CLYBL: variants seen among roughly 807,000 people sequenced by gnomAD.
The protein encoded by CLYBL is citramalyl-CoA lyase, also known as citramalyl-CoA lyase, mitochondrial.
Under a neutral mutation model 38.9 loss-of-function variants are expected in CLYBL, and 31 were observed. The ratio of observed to expected loss-of-function variants is 0.80; its 90% CI spans 0.60 to 1.08. The LOEUF (loss-of-function observed/expected upper bound fraction) is 1.08, where lower values mean the gene tolerates loss of function less well. Among genes scored for constraint, CLYBL ranks in the 50% least tolerant of loss-of-function variants. The pLI is 0.00. For synonymous variants in CLYBL, 171 were observed against 158.6 expected (o/e 1.08, Z -0.59); for missense variants, 434 against 411.6 (o/e 1.05, Z -0.47).
At chr13:99,631,156 C>CGAGA (rs1223373462) in intron 1 of CLYBL, among the ~76,000 whole-genome samples, 2 of 152,006 alleles carry the variant, frequency 1.3e-5, no homozygotes, top group Non-Finnish European at 2.9e-5. Context: ...ATCCCGTCTC[C>CGAGA]ACAAAAAATA....
At chr13:99,880,868 C>T (rs2052187810) in intron 7 of CLYBL, among the ~76,000 whole-genome samples, 1 of 152,226 alleles carries the variant, frequency 6.6e-6, no homozygotes, top group South Asian at 2.1e-4. Context: ...CTTCAGGCTT[C>T]TGCACCTTTC....
At chr13:99,767,215 T>A (rs1179947722) in intron 1 of CLYBL, among the ~76,000 whole-genome samples, 1 of 152,234 alleles carries the variant, frequency 6.6e-6, no homozygotes, top group African/African-American at 2.4e-5. Flanking sequence ...TGTCTTACCA[T>A]CTGCTCAGGG....
At position 99,772,874 on chromosome 13, in the gene CLYBL, C is replaced by T; in HGVS notation, c.113C>T (p.Ser38Phe). ...CCCAGACTTGGATATAGTTCCTCAT[C>T]CCATCACAAGTACATCCCCCGGAGG... Reference protein sequence around the residue: ...DIPRLGYSSSSHHKYIPRRAV... With the variant: ...DIPRLGYSSSFHHKYIPRRAV... Residue 38 changes from serine to phenylalanine, a missense_variant, in exon 2 of 9, where the codon TCC becomes TTC. Ser to Phe is a radical substitution (Grantham distance 155). Transcript: ENST00000339105. 1 of 1,612,692 alleles carries T rather than the reference C, an allele frequency of 6.2e-7. No homozygotes were observed. Among genetic ancestry groups the T allele is most frequent in the Non-Finnish European group, 8.5e-7 (1 of 1,179,738 alleles).
At chr13:99,880,372 A>G (rs1260263812) in intron 7 of CLYBL, among the ~76,000 whole-genome samples, 2 of 152,162 alleles carry the variant, frequency 1.3e-5, no homozygotes, top group African/African-American at 4.8e-5. Context: ...GCCCTTGCAT[A>G]TATTACTTTA....
At chr13:99,808,920 T>G (rs1295995969) in intron 2 of CLYBL, among the ~76,000 whole-genome samples, 2 of 152,218 alleles carry the variant, frequency 1.3e-5, no homozygotes, top group Non-Finnish European at 2.9e-5. Context: ...ATTTGTGGGT[T>G]TCTCCCATGA....
intron 7 of CLYBL, among the ~76,000 whole-genome samples, chr13:99,872,065 T>C (rs1412740516): frequency 6.6e-6 from 1 of 151,192 alleles, no homozygotes; most frequent in Non-Finnish European, 1.5e-5. Flanking sequence ...ATGTGAGACA[T>C]GTCCCTCGCA....
intron 2 of CLYBL, among the ~76,000 whole-genome samples, chr13:99,812,269 G>A (rs999928182): frequency 5.9e-5 from 9 of 152,170 alleles, no homozygotes. Flanking sequence ...CACTCCTATT[G>A]TTATGGGTTT....
At chr13:99,816,404 C>T (rs191473363) in intron 2 of CLYBL, among the ~76,000 whole-genome samples, 5 of 152,356 alleles carry the variant, frequency 3.3e-5, no homozygotes, top group Admixed American at 6.5e-5. Context: ...CTTACTTTTG[C>T]TGGTCAGGAG....
intron 7 of CLYBL, among the ~76,000 whole-genome samples, chr13:99,882,888 T>A (rs1382353285): frequency 6.6e-6 from 1 of 152,008 alleles, no homozygotes. Flanking sequence ...CCCCTAGATC[T>A]ACCCTTCCCC....
chr13:99,759,052 G>A (rs2049117498), intron 1 of CLYBL, among the ~76,000 whole-genome samples: 1 of 152,196 alleles, frequency 6.6e-6, no homozygotes, highest in Non-Finnish European at 1.5e-5. Context: ...AGCTAGAGTT[G>A]CCTTTCTGCT....
At chr13:99,659,010 G>C (rs1318359899) in intron 1 of CLYBL, among the ~76,000 whole-genome samples, 1 of 152,138 alleles carries the variant, frequency 6.6e-6, no homozygotes, top group African/African-American at 2.4e-5. Context: ...TCCCCCAGGG[G>C]CAAAGAACTA....
At chr13:99,768,512 TTTTTTTTTTTTTTTTTA>T (rs555308402) in intron 1 of CLYBL, among the ~76,000 whole-genome samples, 62,084 of 108,768 alleles carry the variant, frequency 0.57, 18,924 homozygotes, top group Middle Eastern at 0.69. Context: ...TTTTTTTTTT[TTTTTTTTTTTTTTTTTA>T]AAGACAGAAT....
intron 1 of CLYBL, among the ~76,000 whole-genome samples, chr13:99,624,239 A>G (rs547642629): frequency 6.6e-6 from 1 of 152,306 alleles, no homozygotes; most frequent in Non-Finnish European, 1.5e-5. Context: ...CTGGGCTGGA[A>G]ACTCCACGTT....
chr13:99,853,117 T>TGTAAACAGGGTGCC (rs1460755775), intron 2 of CLYBL, among the ~76,000 whole-genome samples: 7 of 152,084 alleles, frequency 4.6e-5, no homozygotes, highest in Non-Finnish European at 8.8e-5. Context: ...AAAGCCATTG[T>TGTAAACAGGGTGCC]TCTAACATCT....
chr13:99,609,943 T>C (rs1026580231), intron 1 of CLYBL, among the ~76,000 whole-genome samples: 10 of 148,758 alleles, frequency 6.7e-5, no homozygotes, highest in African/African-American at 2.2e-4. Context: ...AGACGGAGTC[T>C]CCAGGCTGGA....
At chr13:99,828,643 G>A (rs2761171) in intron 2 of CLYBL, among the ~76,000 whole-genome samples, 94,676 of 151,964 alleles carry the variant, frequency 0.62, 29,869 homozygotes, top group East Asian at 0.74. Flanking sequence ...TGCTAAGTGC[G>A]TCCCAGATTG....
intron 1 of CLYBL, among the ~76,000 whole-genome samples, chr13:99,678,898 A>G (rs1376884038): frequency 6.6e-6 from 1 of 152,192 alleles, no homozygotes; most frequent in African/African-American, 2.4e-5. Flanking sequence ...CACTGACTAG[A>G]TATTTATTGA....
chr13:99,747,083 C>T (rs1390816168), intron 1 of CLYBL, among the ~76,000 whole-genome samples: 2 of 152,186 alleles, frequency 1.3e-5, no homozygotes, highest in African/African-American at 4.8e-5. Flanking sequence ...TCCTCCTTCT[C>T]TCACCAAAAG....
At chr13:99,704,669 G>A (rs1437593954) in intron 1 of CLYBL, among the ~76,000 whole-genome samples, 1 of 152,188 alleles carries the variant, frequency 6.6e-6, no homozygotes, top group East Asian at 1.9e-4. Flanking sequence ...AGGTGCACAC[G>A]CCAGGTTTGG....
Sources: allele counts gnomAD v4.1 joint callset (sites outside exome capture counted in the v4.1 genomes callset), GRCh38; gene constraint gnomAD v4.1.1; transcripts MANE v1.5; gene names NCBI Gene and HGNC (gene_info 2026-07-23, HGNC 2026-07-21).